Variants in KCNIP1 observed in about 807,000 individuals in gnomAD.
The protein encoded by KCNIP1 is A-type potassium channel modulatory protein KCNIP1.
A neutral mutation model predicts 33.0 loss-of-function variants in KCNIP1; 18 were observed. The ratio of observed to expected loss-of-function variants is 0.55; its 90% CI spans 0.38 to 0.81. The LOEUF is 0.81. Ranked by LOEUF, KCNIP1 falls within the 30% of genes least tolerant of loss-of-function variation. KCNIP1 has a pLI of 0.00. For missense variants in KCNIP1, 238 were observed against 271.6 expected (o/e 0.88, Z 0.87); for synonymous variants, 93 against 98.3 (o/e 0.95, Z 0.32).
intron 1 of KCNIP1, among the ~76,000 whole-genome samples, chr5:170,464,294 T>C (rs1756564148): frequency 1.3e-5 from 2 of 152,228 alleles, no homozygotes; most frequent in African/African-American, 4.8e-5. Context: ...TTCATAGCAT[T>C]TTTTGCAGTT....
Position 170,383,640 on chromosome 5 carries a change from G to T in KCNIP1, c.88+29676G>T, listed in dbSNP as rs538353830. The T allele has an allele frequency of 1.8e-4, 289 of 1,608,954 alleles. No individual in the cohort carries two copies. Among genetic ancestry groups the T allele is most frequent in the Non-Finnish European group, 2.4e-4 (283 of 1,175,732 alleles). ...TAGGAACAGGCTCACACACCTGACAGGGATAAAGGGATGTGTCCCCATCCC... is the reference window on the plus strand; with the variant it reads ...TAGGAACAGGCTCACACACCTGACATGGATAAAGGGATGTGTCCCCATCCC... On this transcript the variant is annotated intron_variant, in intron 1 of 7. Transcript: ENST00000377360.
At chr5:170,364,054 G>A (rs956406905) in intron 1 of KCNIP1, among the ~76,000 whole-genome samples, 52 of 148,886 alleles carry the variant, frequency 3.5e-4, no homozygotes, top group African/African-American at 1.2e-3. Flanking sequence ...AAGCTGGAGT[G>A]CAGTGCTGTC....
At chr5:170,369,638 C>T (rs1199498351) in intron 1 of KCNIP1, among the ~76,000 whole-genome samples, 1 of 152,230 alleles carries the variant, frequency 6.6e-6, no homozygotes, top group Admixed American at 6.5e-5. Flanking sequence ...AGGGTTCAAG[C>T]TGTACTTTAA....
intron 1 of KCNIP1, among the ~76,000 whole-genome samples, chr5:170,661,783 A>AAT (rs1249575507): frequency 2.6e-5 from 4 of 152,202 alleles, no homozygotes; most frequent in Admixed American, 2.6e-4. Flanking sequence ...TGAACCGGCA[A>AAT]ATATATATTA....
intron 1 of KCNIP1, among the ~76,000 whole-genome samples, chr5:170,661,056 T>G (rs866877478): frequency 2.6e-5 from 4 of 152,228 alleles, no homozygotes; most frequent in Non-Finnish European, 5.9e-5. Context: ...GAAGATCTGT[T>G]CAGGGGCATT....
At chr5:170,712,991 T>G in intron 1 of KCNIP1, 1 of 905,906 alleles carries the variant, frequency 1.1e-6, no homozygotes, top group Non-Finnish European at 1.8e-6. Flanking sequence ...TGCACCAGCT[T>G]TCTGTGTCCT....
intron 1 of KCNIP1, among the ~76,000 whole-genome samples, chr5:170,418,734 G>A (rs562021771): frequency 6.6e-6 from 1 of 152,232 alleles, no homozygotes; most frequent in African/African-American, 2.4e-5. Context: ...CCTACAAAAA[G>A]CCCGTCCCAC....
At chr5:170,463,721 T>C (rs1237113871) in intron 1 of KCNIP1, among the ~76,000 whole-genome samples, 1 of 152,112 alleles carries the variant, frequency 6.6e-6, no homozygotes, top group Non-Finnish European at 1.5e-5. Flanking sequence ...TGATAAATAA[T>C]GGTAAAAGAC....
intron 1 of KCNIP1, chr5:170,383,684 G>T: frequency 6.2e-7 from 1 of 1,614,126 alleles, no homozygotes. Flanking sequence ...AGTACCTGCT[G>T]GTTCTGGTCC....
At chr5:170,535,047 A>G (rs12716256) in intron 1 of KCNIP1, among the ~76,000 whole-genome samples, 36,316 of 152,156 alleles carry the variant, frequency 0.24, 5,605 homozygotes, top group African/African-American at 0.44. Flanking sequence ...CCATGGCTGC[A>G]GACCCTATTG....
intron 1 of KCNIP1, among the ~76,000 whole-genome samples, chr5:170,469,223 G>A (rs184959480): frequency 6.6e-5 from 10 of 151,946 alleles, no homozygotes; most frequent in East Asian, 3.9e-4. Context: ...AGTGAGACCC[G>A]ATCTGCAAAA....
At chr5:170,367,266 A>G (rs1235195802) in intron 1 of KCNIP1, among the ~76,000 whole-genome samples, 1 of 151,564 alleles carries the variant, frequency 6.6e-6, no homozygotes, top group Non-Finnish European at 1.5e-5. Context: ...GTGAGCCACA[A>G]TCACACCACT....
chr5:170,485,426 G>A (rs932453949), intron 1 of KCNIP1, among the ~76,000 whole-genome samples: 2 of 152,216 alleles, frequency 1.3e-5, no homozygotes, highest in African/African-American at 4.8e-5. Context: ...TGGGCCCAGG[G>A]TGTGGACGGG....
At chr5:170,586,216 GCTCT>G (rs758995140) in intron 1 of KCNIP1, among the ~76,000 whole-genome samples, 214 of 152,326 alleles carry the variant, frequency 1.4e-3, no homozygotes, top group Admixed American at 3.0e-3. Context: ...ATCATCGATT[GCTCT>G]CTGTCACCTG....
At chr5:170,589,278 C>T (rs1336636368) in intron 1 of KCNIP1, among the ~76,000 whole-genome samples, 1 of 152,146 alleles carries the variant, frequency 6.6e-6, no homozygotes, top group Non-Finnish European at 1.5e-5. Context: ...GGATTACAGG[C>T]GTGAGGCACC....
At chr5:170,515,285 C>G (rs1755079728) in intron 1 of KCNIP1, among the ~76,000 whole-genome samples, 1 of 152,100 alleles carries the variant, frequency 6.6e-6, no homozygotes, top group African/African-American at 2.4e-5. Flanking sequence ...TCTCAGGGAC[C>G]CTCTGTCATT....
At chr5:170,587,786 C>T (rs4867985) in intron 1 of KCNIP1, among the ~76,000 whole-genome samples, 115,880 of 152,186 alleles carry the variant, frequency 0.76, 44,780 homozygotes, top group East Asian at 0.91. Flanking sequence ...TTAAGTTGAT[C>T]ACATCTGCAA....
Position 170,682,656 on chromosome 5 carries a change from T to C in KCNIP1, c.62-36102T>C, listed in dbSNP as rs555285381. ...TCCAAACTCAACCTGCCAGTCAATA[T>C]ACCAACTGAGCAGAGCCCCTGTTCT... On this transcript the variant is annotated intron_variant, in intron 1 of 7. Transcript: ENST00000328939. 6.6e-5 allele frequency among the ~76,000 whole-genome samples: 10 copies of C among 152,254 alleles called. No homozygotes were observed. In the South Asian group the frequency reaches 1.7e-3, roughly 25 times the overall value.
chr5:170,660,020 G>A (rs1240064888), intron 1 of KCNIP1, among the ~76,000 whole-genome samples: 4 of 152,096 alleles, frequency 2.6e-5, no homozygotes, highest in Non-Finnish European at 5.9e-5. Context: ...CCACAGAGGT[G>A]GGAGGAGCAT....
Sources: gnomAD v4.1 joint callset for allele counts (sites outside exome capture counted in the v4.1 genomes callset) on GRCh38, gnomAD v4.1.1 for gene constraint, MANE v1.5 for transcripts, NCBI Gene and HGNC (gene_info 2026-07-23, HGNC 2026-07-21) for gene names.